Variants in NTN1 observed in about 807,000 individuals in gnomAD.
NTN1 encodes the protein netrin 1, also known as netrin-1.
A neutral mutation model predicts 54.2 loss-of-function variants in NTN1; 11 were observed. That is an observed-to-expected ratio of 0.20 (90% CI 0.13 to 0.34). The LOEUF (loss-of-function observed/expected upper bound fraction) is 0.34, where lower values mean the gene tolerates loss of function less well. Among genes scored for constraint, NTN1 ranks in the 10% least tolerant of loss-of-function variants. The pLI is 1.00. For synonymous variants in NTN1, 371 were observed against 382.0 expected, an observed-to-expected ratio of 0.97 and a Z score of 0.33; for missense variants, 740 against 893.1, an observed-to-expected ratio of 0.83 and a Z score of 2.18.
chr17:9,034,263 G>A (rs966040944), intron 2 of NTN1, among the ~76,000 whole-genome samples: 14 of 152,138 alleles, frequency 9.2e-5, no homozygotes, highest in Non-Finnish European at 2.9e-5. Context: ...GGTACAGGAA[G>A]GAGACCCAGA....
chr17:9,068,439 C>T (rs1356976826), intron 2 of NTN1, among the ~76,000 whole-genome samples: 1 of 152,034 alleles, frequency 6.6e-6, no homozygotes, highest in Non-Finnish European at 1.5e-5. Flanking sequence ...CCTGCATTGG[C>T]CCCCCAAAGC....
At chr17:9,205,815 C>T (rs1039043922) in intron 5 of NTN1, among the ~76,000 whole-genome samples, 1 of 152,236 alleles carries the variant, frequency 6.6e-6, no homozygotes, top group African/African-American at 2.4e-5. Flanking sequence ...ACACTTGTAC[C>T]TCTGTTTTCT....
intron 5 of NTN1, among the ~76,000 whole-genome samples, chr17:9,184,212 G>A (rs1161307352): frequency 6.6e-6 from 1 of 152,226 alleles, no homozygotes; most frequent in Non-Finnish European, 1.5e-5. Context: ...GGACAGAAAT[G>A]CGTTTCAGGG....
chr17:9,032,576 C>T lies in NTN1; in HGVS notation c.1018+9185C>T, dbSNP rs552056337. Among the ~76,000 whole-genome samples the T allele has an allele frequency of 2.2e-4, 34 of 152,304 alleles. 1 individual carries two copies. Among genetic ancestry groups the T allele is most frequent in the Admixed American group, 2.0e-3 (30 of 15,300 alleles). ...ACCACTGCCCTCAGTGCTCTGCTTA[C>T]GTTTGGGCTGGTGCAGAAAGTGCCG... On this transcript the variant is annotated intron_variant, in intron 2 of 6. Transcript: ENST00000173229.
At chr17:9,236,544 C>G (rs922812511) in intron 6 of NTN1, among the ~76,000 whole-genome samples, 1 of 152,208 alleles carries the variant, frequency 6.6e-6, no homozygotes, top group South Asian at 2.1e-4. Context: ...CCAAGGGCAG[C>G]GGAAATGTGG....
At chr17:9,051,696 C>A (rs764427386) in intron 2 of NTN1, among the ~76,000 whole-genome samples, 3 of 151,916 alleles carry the variant, frequency 2.0e-5, no homozygotes, top group Admixed American at 6.6e-5. Context: ...TGAGTGAGAA[C>A]ATTTAAGGTC....
Position 9,157,990 on chromosome 17 carries a change from G to A in NTN1, c.1019-4823G>A, listed in dbSNP as rs115070719. 2.5e-3 allele frequency among the ~76,000 whole-genome samples: 380 copies of A among 152,334 alleles called. 2 individuals are homozygous for A. Among genetic ancestry groups the A allele is most frequent in the African/African-American group, 8.5e-3 (355 of 41,578 alleles). ...AGGGACAGGCCGGGAGTTGGGTGAC[G>A]CCTCTGTGTGGAGCCGAGGGATCCA... On this transcript the variant is annotated intron_variant, in intron 2 of 6. Transcript: ENST00000173229.
rs565543705 is a variant in NTN1, at chr17:9,179,507, C to T, written c.1208-300C>T. Among the ~76,000 whole-genome samples, 23 of 152,354 alleles carry T rather than the reference C, an allele frequency of 1.5e-4. No homozygotes were observed. The East Asian group carries it at 4.4e-3, about 29-fold the overall frequency. On this transcript the variant is annotated intron_variant, in intron 3 of 6. Coordinates refer to ENST00000173229, the MANE Select transcript of NTN1 (RefSeq NM_004822.3). ...ATGAGGGCTACGGGCTCTGCCTTCC[C>T]GAGAAGGTATTTGAAAGCCTTCCTC... is the stretch of plus-strand genomic sequence containing the variant.
intron 2 of NTN1, among the ~76,000 whole-genome samples, chr17:9,137,900 G>T (rs2142277073): frequency 6.6e-6 from 1 of 152,358 alleles, no homozygotes; most frequent in Middle Eastern, 3.4e-3. Flanking sequence ...CAGGAATGAG[G>T]TGGATGTTTC....
intron 2 of NTN1, among the ~76,000 whole-genome samples, chr17:9,101,286 C>T (rs2092149534): frequency 6.6e-6 from 1 of 152,074 alleles, no homozygotes; most frequent in African/African-American, 2.4e-5. Context: ...CCAAAGCATC[C>T]AGTCTATTTC....
chr17:9,114,166 A>AAAAAAAATATATATATATATATATATAT (rs1555569108), intron 2 of NTN1, among the ~76,000 whole-genome samples: 1 of 74,656 alleles, frequency 1.3e-5, no homozygotes, highest in Non-Finnish European at 2.5e-5. Context: ...AAAAAAAAAA[A>AAAAAAAATATATATATATATATATATAT]ATATATATAT....
intron 6 of NTN1, among the ~76,000 whole-genome samples, chr17:9,227,033 G>A (rs907167328): frequency 2.6e-5 from 4 of 151,644 alleles, no homozygotes; most frequent in Non-Finnish European, 5.9e-5. Flanking sequence ...TTCCCTTCCC[G>A]TCTCCCTTCC....
intron 6 of NTN1, among the ~76,000 whole-genome samples, chr17:9,236,529 T>C (rs976435949): frequency 1.3e-5 from 2 of 152,200 alleles, no homozygotes; most frequent in Non-Finnish European, 2.9e-5. Context: ...TGTGTAGAGG[T>C]GTTGCCAAGG....
chr17:9,110,944 T>TC (rs1233122869), intron 2 of NTN1, among the ~76,000 whole-genome samples: 3 of 148,972 alleles, frequency 2.0e-5, no homozygotes, highest in Admixed American at 2.0e-4. Context: ...TTTTTTTTTT[T>TC]TTTTTTTTGA....
intron 2 of NTN1, among the ~76,000 whole-genome samples, chr17:9,153,592 C>T (rs1448951529): frequency 6.6e-6 from 1 of 152,164 alleles, no homozygotes; most frequent in Non-Finnish European, 1.5e-5. Context: ...AATTAAAAAC[C>T]ACAGCTCAAG....
At chr17:9,192,071 C>T (rs527717686) in intron 5 of NTN1, among the ~76,000 whole-genome samples, 30 of 152,156 alleles carry the variant, frequency 2.0e-4, no homozygotes, top group Non-Finnish European at 4.0e-4. Flanking sequence ...AGCAGGTACC[C>T]ACCTACTCTG....
At chr17:9,113,529 G>A (rs1454243800) in intron 2 of NTN1, among the ~76,000 whole-genome samples, 4 of 152,076 alleles carry the variant, frequency 2.6e-5, no homozygotes, top group Non-Finnish European at 4.4e-5. Flanking sequence ...GAAGGAGCCC[G>A]CTTCTGAAAA....
chr17:9,236,220 C>A (rs531451869), intron 6 of NTN1, among the ~76,000 whole-genome samples: 17 of 152,184 alleles, frequency 1.1e-4, no homozygotes, highest in Non-Finnish European at 2.4e-4. Context: ...CCATAGACCA[C>A]TGTGCCAAGC....
chr17:9,126,679 G>T (rs140805922), intron 2 of NTN1, among the ~76,000 whole-genome samples: 1 of 152,128 alleles, frequency 6.6e-6, no homozygotes, highest in African/African-American at 2.4e-5. Flanking sequence ...TTAGGGCTTC[G>T]CATTCAGCTC....
Sources: allele counts gnomAD v4.1 joint callset (sites outside exome capture counted in the v4.1 genomes callset), GRCh38; gene constraint gnomAD v4.1.1; transcripts MANE v1.5; gene names NCBI Gene and HGNC (gene_info 2026-07-23, HGNC 2026-07-21).